The following ZBTB46 variants were observed in gnomAD, a reference collection of about 807,000 sequenced individuals.
ZBTB46 encodes the protein zinc finger and BTB domain-containing protein 46.
In ZBTB46, 8 loss-of-function variants were observed where a neutral mutation model predicts 44.1. The observed-to-expected ratio is 0.18, with a 90% confidence interval of 0.11 to 0.33. The LOEUF (loss-of-function observed/expected upper bound fraction) is 0.33. ZBTB46 is among the 10% of genes least tolerant of loss of function. The pLI is 1.00. For synonymous variants in ZBTB46, 409 were observed against 382.3 expected, an observed-to-expected ratio of 1.07 and a Z score of -0.81; for missense variants, 651 against 847.7, an observed-to-expected ratio of 0.77 and a Z score of 2.88.
At chr20:63,774,227 G>A (rs73143509) in intron 3 of ZBTB46, among the ~76,000 whole-genome samples, 1 of 152,198 alleles carries the variant, frequency 6.6e-6, no homozygotes, top group Non-Finnish European at 1.5e-5. Flanking sequence ...CGGAATAAAG[G>A]GAAGGTGAAC....
At chr20:63,816,130 AGGTGCAGTGGGTG>A (rs1222483009) in intron 1 of ZBTB46, among the ~76,000 whole-genome samples, 2 of 101,662 alleles carry the variant, frequency 2.0e-5, no homozygotes, top group East Asian at 1.5e-3. Context: ...AGGTGGGCGC[AGGTGCAGTGGGTG>A]CAGGTGCAGT....
intron 1 of ZBTB46, among the ~76,000 whole-genome samples, chr20:63,821,042 G>A (rs551421539): frequency 9.2e-5 from 14 of 151,850 alleles, no homozygotes; most frequent in Non-Finnish European, 1.5e-5. Context: ...ACAGGCATGC[G>A]CCATCACGCC....
intron 1 of ZBTB46, among the ~76,000 whole-genome samples, chr20:63,801,561 TTGCAA>T (rs1194993649): frequency 2.0e-5 from 3 of 152,192 alleles, no homozygotes; most frequent in Admixed American, 2.0e-4. Context: ...CTTTTGCTCT[TTGCAA>T]TAAATCTTGC....
chr20:63,774,352 T>C (rs1186448011), intron 3 of ZBTB46, among the ~76,000 whole-genome samples: 1 of 152,232 alleles, frequency 6.6e-6, no homozygotes, highest in Non-Finnish European at 1.5e-5. Context: ...TGTAAAAATA[T>C]TGTTTTTTAG....
At chr20:63,808,617 G>A (rs1189327928) in intron 1 of ZBTB46, among the ~76,000 whole-genome samples, 2 of 152,176 alleles carry the variant, frequency 1.3e-5, no homozygotes, top group Admixed American at 1.3e-4. Context: ...GGCGGACAGA[G>A]CCTCCCCCAG....
chr20:63,790,650 G>A lies in ZBTB46; in HGVS notation c.108C>T (p.Val36=), dbSNP rs754516864. The change falls in exon 2 of 5, where the codon GTC becomes GTT. Residue 36 remains valine, a synonymous_variant. Transcript: ENST00000245663. ...QHGVLCDVCV[V]VEGKVFKAHK... is the part of the protein sequence containing the mutation. The stretch of plus-strand genomic sequence containing the variant: ...GCGCCTTGAAGACCTTGCCCTCCAC[G>A]ACCACGCAGACGTCGCACAGGACGC... 1.9e-5 allele frequency: 30 copies of A among 1,611,516 alleles called. No individual in the cohort carries two copies. Among genetic ancestry groups the A allele is most frequent in the South Asian group, 2.2e-5 (2 of 91,080 alleles).
intron 4 of ZBTB46, among the ~76,000 whole-genome samples, chr20:63,748,397 T>G (rs2315646): frequency 0.31 from 46,731 of 152,022 alleles, 7,657 homozygotes; most frequent in Admixed American, 0.38. Flanking sequence ...GGGCTTCCGC[T>G]GAGGGTGGGT....
chr20:63,829,728 A>C (rs2146115389), intron 1 of ZBTB46, among the ~76,000 whole-genome samples: 1 of 151,890 alleles, frequency 6.6e-6, no homozygotes, highest in African/African-American at 2.4e-5. Context: ...CATGTGAAAA[A>C]CCCCTTCTAT....
chr20:63,761,181 T>C (rs1256256391), intron 3 of ZBTB46, among the ~76,000 whole-genome samples: 1 of 145,600 alleles, frequency 6.9e-6, no homozygotes, highest in Admixed American at 7.0e-5. Context: ...GTATTTTTAG[T>C]AGAGACAGGG....
At chr20:63,780,012 C>T (rs1197959301) in intron 2 of ZBTB46, among the ~76,000 whole-genome samples, 1 of 152,086 alleles carries the variant, frequency 6.6e-6, no homozygotes. Flanking sequence ...GTGTCTCATG[C>T]CTGTAATCCC....
chr20:63,748,048 C>CACCCCCTCAGCCCCTG (rs533769007), intron 4 of ZBTB46, among the ~76,000 whole-genome samples: 1 of 152,158 alleles, frequency 6.6e-6, no homozygotes, highest in Non-Finnish European at 1.5e-5. Flanking sequence ...GCTGCGTGGA[C>CACCCCCTCAGCCCCTG]ACCCCCTCAG....
intron 2 of ZBTB46, among the ~76,000 whole-genome samples, chr20:63,782,735 C>T (rs909033242): frequency 6.6e-6 from 1 of 152,186 alleles, no homozygotes; most frequent in Non-Finnish European, 1.5e-5. Context: ...CTGCTGGCTG[C>T]GGCCGTGAGT....
Position 63,767,637 on chromosome 20 carries a change from G to A in ZBTB46, c.1222+8041C>T, listed in dbSNP as rs918233200. On this transcript the variant is annotated intron_variant, in intron 3 of 4. Coordinates refer to ENST00000245663, the MANE Select transcript of ZBTB46 (RefSeq NM_001369741.1). This position sits in a 1 kb window ranked among gnomAD's most constrained non-coding sequence, Gnocchi z 5.0. ...GGTCAAAGCAAACGCCGGCTCCAGC[G>A]CACAGACCAGAGGCACCCGCAGTTC... 1.3e-5 allele frequency among the ~76,000 whole-genome samples: 2 copies of A among 152,210 alleles called. No homozygotes were observed. Among genetic ancestry groups the A allele is most frequent in the South Asian group, 2.1e-4 (1 of 4,832 alleles).
intron 3 of ZBTB46, among the ~76,000 whole-genome samples, chr20:63,757,460 C>T (rs2092230857): frequency 6.6e-6 from 1 of 152,120 alleles, no homozygotes; most frequent in African/African-American, 2.4e-5. Context: ...TGTCCAGTCA[C>T]TCAGCACCAT....
chr20:63,785,029 C>T (rs999653994), intron 2 of ZBTB46, among the ~76,000 whole-genome samples: 30 of 150,238 alleles, frequency 2.0e-4, no homozygotes, highest in South Asian at 1.3e-3. Flanking sequence ...GTCAAGAGAT[C>T]GAGACCGTCC....
chr20:63,802,031 G>GCC (rs1302525472), intron 1 of ZBTB46, among the ~76,000 whole-genome samples: 4 of 151,944 alleles, frequency 2.6e-5, no homozygotes, highest in Admixed American at 2.6e-4. Flanking sequence ...TGAACCCCCC[G>GCC]CCCCCGCCTC....
rs896961635 is a variant in ZBTB46, at chr20:63,757,530, G to A, written c.1223-4669C>T. 4.6e-5 allele frequency among the ~76,000 whole-genome samples: 7 copies of A among 151,862 alleles called. No individual in the cohort carries two copies. The East Asian group carries it at 1.2e-3, about 25-fold the overall frequency. ...CAGAGTGGGCTTTCTGGTGCCTCAC[G>A]GGCCCTGGCGGCGTGTCTACCCTGC... On this transcript the variant is annotated intron_variant, in intron 3 of 4. Coordinates refer to ENST00000245663, the MANE Select transcript of ZBTB46 (RefSeq NM_001369741.1).
chr20:63,763,577 CCTCA>C (rs1283991647), intron 3 of ZBTB46, among the ~76,000 whole-genome samples: 1 of 152,132 alleles, frequency 6.6e-6, no homozygotes, highest in Non-Finnish European at 1.5e-5. Context: ...TCTTGTGAGA[CCTCA>C]CTATCATGAG....
At position 63,789,725 on chromosome 20, in the gene ZBTB46, G is replaced by A. The variant is rs776582254; in HGVS notation, c.937+96C>T. 7.2e-5 allele frequency: 108 copies of A among 1,506,586 alleles called. No homozygotes were observed. The Middle Eastern group carries it at 1.3e-3, about 18-fold the overall frequency. 93.3% of individuals were successfully genotyped at this position (1,506,586 alleles called of 1,614,324 possible). A position where few individuals can be genotyped will look rare whatever the true frequency, so the allele number is the denominator to read the frequency against. On this transcript the variant is annotated intron_variant, in intron 2 of 4. Coordinates refer to ENST00000245663, the MANE Select transcript of ZBTB46 (RefSeq NM_001369741.1). ...AGTGACCCTAGAAAGCCACCAGTGT[G>A]AGCCTGGACATGCGTCACTGCCTCC...
Sources: allele counts gnomAD v4.1 joint callset (sites outside exome capture counted in the v4.1 genomes callset), GRCh38; gene constraint gnomAD v4.1.1; non-coding constraint Gnocchi (gnomAD v3.1); transcripts MANE v1.5; gene names NCBI Gene and HGNC (gene_info 2026-07-23, HGNC 2026-07-21).